The following NT5C2 variants were observed in gnomAD, a reference collection of about 807,000 sequenced individuals.
The protein encoded by NT5C2 is cytosolic purine 5'-nucleotidase.
NT5C2 carries 58 observed loss-of-function variants against 76.1 expected under a neutral mutation model. That is an observed-to-expected ratio of 0.76 (90% CI 0.62 to 0.95). The LOEUF is 0.95. Ranked by LOEUF, NT5C2 falls within the 40% of genes least tolerant of loss-of-function variation. The pLI, the probability that NT5C2 is intolerant of heterozygous loss-of-function variation, is 0.00. For missense variants in NT5C2, 478 were observed against 690.3 expected (o/e 0.69, Z 3.45); for synonymous variants, 229 against 237.4 (o/e 0.96, Z 0.32).
In NT5C2 at chr10:103,092,980, A is replaced by T. The variant is rs535426080; in HGVS notation, c.1159+159T>A. On this transcript the variant is annotated intron_variant, in intron 15 of 18. Transcript: ENST00000404739. ...TATTCAAATTCTGGAGTTCTGTGAA[A>T]TATCTGAATATTCTATGGGAAGGAA... Among the ~76,000 whole-genome samples, 7 of 152,270 alleles carry T rather than the reference A, an allele frequency of 4.6e-5. No individual in the cohort carries two copies. In the South Asian group the frequency reaches 1.5e-3, roughly 32 times the overall value.
At chr10:103,159,616 T>C (rs1439557155) in intron 3 of NT5C2, among the ~76,000 whole-genome samples, 2 of 149,048 alleles carry the variant, frequency 1.3e-5, no homozygotes, top group East Asian at 2.0e-4. Flanking sequence ...GTCACTGTAC[T>C]ACACCTTGGG....
Position 103,089,501 on chromosome 10 carries a change from C to A in NT5C2, c.*171G>T. ...GGACCATCTGCAGAGAGTACAGATA[C>A]ACAAAACCAAAACAAGTATCTATGA... is the stretch of plus-strand genomic sequence containing the variant. On this transcript the variant is annotated 3_prime_UTR_variant, in exon 19 of 19. Coordinates refer to ENST00000404739, the MANE Select transcript of NT5C2 (RefSeq NM_001351169.2). The A allele has an allele frequency of 7.8e-7, 1 of 1,278,646 alleles. No individual in the cohort carries two copies. Among genetic ancestry groups the A allele is most frequent in the South Asian group, 1.9e-5 (1 of 53,978 alleles). The allele number at this position is 1,278,646 out of a possible 1,614,324, so 79.2% of individuals were successfully genotyped here. A position where few individuals can be genotyped will look rare whatever the true frequency, so the allele number is the denominator to read the frequency against.
Position 103,088,378 on chromosome 10 carries a change from T to C in NT5C2, c.*1294A>G, listed in dbSNP as rs533235334. On this transcript the variant is annotated 3_prime_UTR_variant, in exon 19 of 19. Coordinates refer to ENST00000404739, the MANE Select transcript of NT5C2 (RefSeq NM_001351169.2). Reference sequence around the variant, plus strand: ...GTTTAAAACAAGAGGTGATTTCGACTTGGGATTGGGATTTTTATTTTTTGA... The same window carrying C: ...GTTTAAAACAAGAGGTGATTTCGACCTGGGATTGGGATTTTTATTTTTTGA... The C allele has an allele frequency of 2.6e-5, 4 of 152,314 alleles. No homozygotes were observed. In the South Asian group the frequency reaches 6.2e-4, roughly 24 times the overall value. 9.4% of individuals were successfully genotyped at this position (152,314 alleles called of 1,614,324 possible).
intron 4 of NT5C2, among the ~76,000 whole-genome samples, chr10:103,107,890 C>G (rs1020658202): frequency 8.6e-5 from 13 of 152,028 alleles, no homozygotes; most frequent in African/African-American, 2.9e-4. Flanking sequence ...TGCGGTGGCT[C>G]ACGCCTGTAA....
chr10:103,167,607 A>T (rs1227002732), intron 3 of NT5C2, among the ~76,000 whole-genome samples: 1 of 147,874 alleles, frequency 6.8e-6, no homozygotes, highest in Non-Finnish European at 1.5e-5. Flanking sequence ...TATGAGGTTT[A>T]AAAAAAAAAA....
intron 4 of NT5C2, among the ~76,000 whole-genome samples, chr10:103,138,374 T>C (rs1294202713): frequency 6.6e-6 from 1 of 152,200 alleles, no homozygotes. Context: ...AAACCCGTCA[T>C]CTAGGTTTTA....
At chr10:103,173,436 T>C (rs555098213) in intron 3 of NT5C2, among the ~76,000 whole-genome samples, 2 of 149,770 alleles carry the variant, frequency 1.3e-5, no homozygotes, top group African/African-American at 4.9e-5. Context: ...GCTAACACAG[T>C]GAAACCCCAT....
intron 3 of NT5C2, among the ~76,000 whole-genome samples, chr10:103,170,526 CTTTT>C (rs71019664): frequency 6.8e-5 from 8 of 117,752 alleles, no homozygotes; most frequent in Non-Finnish European, 8.7e-5. Flanking sequence ...CACATGCACA[CTTTT>C]TTTTTTTTTT....
At chr10:103,175,374 T>G (rs1337734664) in intron 2 of NT5C2, among the ~76,000 whole-genome samples, 1 of 152,184 alleles carries the variant, frequency 6.6e-6, no homozygotes, top group East Asian at 1.9e-4. Flanking sequence ...AATCAACAGA[T>G]TCTGGTGTGG....
At chr10:103,101,444 G>T in intron 6 of NT5C2, 118 bp from the exon 7 acceptor site, 1 of 593,784 alleles carries the variant, frequency 1.7e-6, no homozygotes, top group Non-Finnish European at 2.9e-6. Context: ...ACAGAATTCC[G>T]AATATTACGC....
chr10:103,093,782 C>T (rs564759197), intron 14 of NT5C2, 190 bp downstream of exon 14: 103 of 535,912 alleles, frequency 1.9e-4, no homozygotes, highest in African/African-American at 1.8e-3. Context: ...AAATCAGATT[C>T]ATTAGGATAT....
At chr10:103,099,844 T>C (rs1201611609) in intron 9 of NT5C2, 82 bp downstream of exon 9, 1 of 864,938 alleles carries the variant, frequency 1.2e-6, no homozygotes, top group Non-Finnish European at 1.9e-6. Flanking sequence ...AAAAGAAATA[T>C]TCTGCTCCAT....
chr10:103,090,177 A>C, intron 18 of NT5C2: 1 of 406,094 alleles, frequency 2.5e-6, no homozygotes, highest in Non-Finnish European at 4.4e-6. Context: ...TACAGCAAAA[A>C]CAAGATAGTC....
chr10:103,169,644 C>T (rs978414223), intron 3 of NT5C2, among the ~76,000 whole-genome samples: 4 of 151,826 alleles, frequency 2.6e-5, no homozygotes, highest in Admixed American at 6.6e-5. Flanking sequence ...AATTTTAAAG[C>T]AAATTCTTGC....
At chr10:103,142,699 G>A (rs2080710263) in intron 3 of NT5C2, among the ~76,000 whole-genome samples, 1 of 151,706 alleles carries the variant, frequency 6.6e-6, no homozygotes, top group Admixed American at 6.6e-5. Flanking sequence ...GAAAAGAAAG[G>A]AAGGGCCAGG....
chr10:103,129,720 T>C (rs1591234103), intron 4 of NT5C2, among the ~76,000 whole-genome samples: 1 of 87,148 alleles, frequency 1.1e-5, no homozygotes, highest in Non-Finnish European at 2.3e-5. Context: ...GGAGCCCCTC[T>C]GCCCGGCCAG....
At chr10:103,128,577 T>A (rs1463611810) in intron 4 of NT5C2, among the ~76,000 whole-genome samples, 2 of 65,100 alleles carry the variant, frequency 3.1e-5, no homozygotes, top group African/African-American at 1.3e-4. Flanking sequence ...GTCTGGAAAG[T>A]GAGGAGCGTC....
chr10:103,162,712 T>C (rs2085241535), intron 3 of NT5C2, among the ~76,000 whole-genome samples: 2 of 152,162 alleles, frequency 1.3e-5, no homozygotes, highest in African/African-American at 2.4e-5. Context: ...ACCAATAGAA[T>C]TGAATGTATA....
At chr10:103,096,914 G>C (rs1350041422) in intron 11 of NT5C2, among the ~76,000 whole-genome samples, 1 of 148,758 alleles carries the variant, frequency 6.7e-6, no homozygotes, top group East Asian at 2.0e-4. Context: ...CATCTGTGCA[G>C]CATCTATTGC....
Sources: allele counts gnomAD v4.1 joint callset (sites outside exome capture counted in the v4.1 genomes callset), GRCh38; gene constraint gnomAD v4.1.1; transcripts MANE v1.5; gene names NCBI Gene and HGNC (gene_info 2026-07-23, HGNC 2026-07-21).